The following WDR43 variants were observed in gnomAD, a reference collection of about 807,000 sequenced individuals.
The protein encoded by WDR43 is WD repeat domain 43.
In WDR43, 13 loss-of-function variants were observed where a neutral mutation model predicts 91.4. The ratio of observed to expected loss-of-function variants is 0.14; its 90% CI spans 0.09 to 0.23. The LOEUF (loss-of-function observed/expected upper bound fraction) is 0.23. WDR43 is among the 10% of genes least tolerant of loss of function. The pLI, the probability that WDR43 is intolerant of heterozygous loss-of-function variation, is 1.00. For synonymous variants in WDR43, 331 were observed against 287.9 expected (o/e 1.15, Z -1.51); for missense variants, 780 against 809.4 (o/e 0.96, Z 0.44).
Position 28,948,126 on chromosome 2 carries a change from G to GTAA in WDR43, c.*1349_*1351dup, listed in dbSNP as rs1671586004. ...AAGCAAGTTTGAACCAGCTGCTGGT[G>GTAA]TAATGTACAGTTATATTTGTCTATA... is the stretch of plus-strand genomic sequence containing the variant. On this transcript the variant is annotated 3_prime_UTR_variant, in exon 18 of 18. Transcript: ENST00000407426. 6.6e-6 allele frequency: 1 copy of GTAA among 152,126 alleles called. No homozygotes were observed. Among genetic ancestry groups the GTAA allele is most frequent in the South Asian group, 2.1e-4 (1 of 4,826 alleles). 9.4% of individuals were successfully genotyped at this position (152,126 alleles called of 1,614,324 possible).
intron 5 of WDR43, among the ~76,000 whole-genome samples, chr2:28,915,328 T>C (rs1303115581): frequency 6.6e-6 from 1 of 152,218 alleles, no homozygotes; most frequent in East Asian, 1.9e-4. Context: ...TAAATTCTTT[T>C]AGTTTTAGAG....
intron 3 of WDR43, among the ~76,000 whole-genome samples, chr2:28,907,446 CAAAAAA>C (rs34966684): frequency 1.6e-4 from 3 of 19,244 alleles, no homozygotes; most frequent in East Asian, 2.8e-3. Flanking sequence ...CACCTCTTTA[CAAAAAA>C]AAAAAAAAAA....
chr2:28,935,579 T>C lies in WDR43; in HGVS notation c.1496T>C (p.Leu499Pro). The C allele has an allele frequency of 6.3e-7, 1 of 1,599,536 alleles. No homozygotes were observed. Among genetic ancestry groups the C allele is most frequent in the Non-Finnish European group, 8.5e-7 (1 of 1,173,938 alleles). Residue 499 changes from leucine to proline, a missense_variant, in exon 12 of 18, where the codon CTG becomes CCG. Physicochemically the swap from Leu to Pro is moderately conservative, Grantham distance 98 (BLOSUM62 -3). Around this residue, in one of 4 missense-constraint regions of WDR43, gnomAD observed 426 missense variants for 467.8 expected, o/e 0.91. Transcript: ENST00000407426. ...LIKKTVLRMPLHTIIPLLQEL... is the reference protein window; with the variant it reads ...LIKKTVLRMPPHTIIPLLQEL... The stretch of plus-strand genomic sequence containing the variant: ...AAGAAGACTGTATTAAGGATGCCCC[T>C]GCATACTATTATTCCGTTGTTACAA...
rs146764889 is a variant in WDR43 at position 28,902,658 on chromosome 2, G to C, written c.363+534G>C. 3.2e-3 allele frequency among the ~76,000 whole-genome samples: 486 copies of C among 152,342 alleles called. 5 individuals are homozygous for C. The highest frequency in any genetic ancestry group is 0.01 in the Middle Eastern group (3 of 294). On this transcript the variant is annotated intron_variant, in intron 2 of 17. Transcript: ENST00000407426. ...TATTGGGTTCAGCTGCTGCTGTTGG[G>C]CATTACCACTGTTGGGGTGATGCAA...
intron 2 of WDR43, 92 bp downstream of exon 2, chr2:28,902,216 G>A: frequency 7.2e-7 from 1 of 1,389,384 alleles, no homozygotes; most frequent in Non-Finnish European, 9.7e-7. Context: ...GGTATGTGAT[G>A]GGATCTGTGC....
At chr2:28,937,300 TTG>T (rs1359043916) in intron 13 of WDR43, among the ~76,000 whole-genome samples, 1 of 152,194 alleles carries the variant, frequency 6.6e-6, no homozygotes, top group Non-Finnish European at 1.5e-5. Flanking sequence ...AGACTAAATT[TTG>T]TGTCTTTTTT....
At chr2:28,933,441 A>G (rs1313687707) in intron 11 of WDR43, among the ~76,000 whole-genome samples, 6 of 152,196 alleles carry the variant, frequency 3.9e-5, no homozygotes, top group African/African-American at 1.4e-4. Flanking sequence ...CTGGGAAAAA[A>G]CAGGAGAACA....
chr2:28,936,932 G>A lies in WDR43; in HGVS notation c.1535G>A (p.Arg512Lys). The change falls in exon 13 of 18, where the codon AGG (arginine) becomes AAG (lysine). Residue 512 changes from arginine to lysine, a missense_variant. Arg to Lys is a conservative substitution (Grantham distance 26). Around this residue, in one of 4 missense-constraint regions of WDR43, gnomAD observed 426 missense variants for 467.8 expected, o/e 0.91. Transcript: ENST00000407426. ...IIPLLQELTK[R>K]LQGHPNSAVL... ...TTTTCTCTCCCTTAGCTTACAAAGA[G>A]GTTACAAGGACATCCTAATAGGTAA... 1 of 1,574,066 alleles carries A rather than the reference G, an allele frequency of 6.4e-7. No homozygotes were observed. The highest frequency in any genetic ancestry group is 8.6e-7 in the Non-Finnish European group (1 of 1,158,562).
intron 11 of WDR43, chr2:28,930,283 G>A (rs1416935386): frequency 5.9e-6 from 2 of 336,782 alleles, no homozygotes; most frequent in Non-Finnish European, 1.2e-5. Context: ...CTTGTATGAA[G>A]TTACTCAGTT....
intron 11 of WDR43, among the ~76,000 whole-genome samples, chr2:28,930,746 TTC>T (rs1365661277): frequency 1.3e-5 from 2 of 152,228 alleles, no homozygotes; most frequent in African/African-American, 4.8e-5. Context: ...TACAAATTTT[TTC>T]TTTTTCTTAT....
chr2:28,922,154 G>A (rs1671041984), intron 6 of WDR43, among the ~76,000 whole-genome samples: 1 of 152,180 alleles, frequency 6.6e-6, no homozygotes, highest in African/African-American at 2.4e-5. Context: ...CACAACAAAA[G>A]TTAGTCTCTT....
At chr2:28,931,015 A>G (rs146402795) in intron 11 of WDR43, among the ~76,000 whole-genome samples, 153 of 152,140 alleles carry the variant, frequency 1.0e-3, no homozygotes, top group African/African-American at 3.5e-3. Flanking sequence ...TTCTTTAAAA[A>G]TTATCAAATA....
intron 14 of WDR43, among the ~76,000 whole-genome samples, chr2:28,939,985 T>C (rs1371180937): frequency 6.6e-6 from 1 of 151,792 alleles, no homozygotes; most frequent in East Asian, 2.0e-4. Flanking sequence ...CAGGTGCCTG[T>C]AGTCCCAGCT....
chr2:28,895,758 A>G (rs1285582790), intron 1 of WDR43: 1 of 152,150 alleles, frequency 6.6e-6, no homozygotes, highest in Non-Finnish European at 1.5e-5. Context: ...CTGTTGAGTC[A>G]CTCAGCTACA....
intron 6 of WDR43, among the ~76,000 whole-genome samples, chr2:28,920,688 T>C (rs1671008033): frequency 6.6e-6 from 1 of 152,066 alleles, no homozygotes; most frequent in African/African-American, 2.4e-5. Flanking sequence ...TTTGTTTGTT[T>C]TTGTTTTTGA....
intron 3 of WDR43, 111 bp from the exon 4 acceptor site, chr2:28,912,479 A>G (rs996743596): frequency 3.8e-6 from 5 of 1,327,500 alleles, no homozygotes; most frequent in Non-Finnish European, 5.2e-6. Flanking sequence ...TTGTCACAGG[A>G]CCTGAGGCGA....
intron 7 of WDR43, 51 bp downstream of exon 7, chr2:28,923,034 T>TA: frequency 2.1e-6 from 3 of 1,427,922 alleles, no homozygotes; most frequent in Non-Finnish European, 2.9e-6. Flanking sequence ...CCTGACTTGT[T>TA]ACTTGGTCAT....
chr2:28,894,704 G>A lies in WDR43; in HGVS notation c.6G>A (p.Ala2=). M[A]AGGGGSCDPL... is the part of the protein sequence containing the mutation. ...GCAGCGGGGCCAGAGCAGCAATGGC[G>A]GCGGGCGGCGGCGGTAGCTGCGACC... The change falls in exon 1 of 18, where the codon GCG becomes GCA. Residue 2 remains alanine, a synonymous_variant. Transcript: ENST00000407426. 3.2e-6 allele frequency: 5 copies of A among 1,556,294 alleles called. No homozygotes were observed. The highest frequency in any genetic ancestry group is 2.4e-5 in the East Asian group (1 of 41,224).
intron 7 of WDR43, among the ~76,000 whole-genome samples, chr2:28,924,708 C>T (rs533550343): frequency 2.0e-5 from 3 of 152,000 alleles, no homozygotes; most frequent in South Asian, 2.1e-4. Context: ...GGCAAGAGAA[C>T]GTTTGGCAGC....
Sources: gnomAD v4.1 joint callset for allele counts (sites outside exome capture counted in the v4.1 genomes callset) on GRCh38, gnomAD v4.1.1 for gene constraint, gnomAD v4.1.1 regional missense constraint, MANE v1.5 for transcripts, NCBI Gene and HGNC (gene_info 2026-07-23, HGNC 2026-07-21) for gene names.